The following CHAT variants were observed in gnomAD, a reference collection of about 807,000 sequenced individuals.
The protein encoded by CHAT is choline O-acetyltransferase, also known as acetyl CoA:choline O-acetyltransferase.
Under a neutral mutation model 76.9 loss-of-function variants are expected in CHAT, and 61 were observed. That is an observed-to-expected ratio of 0.79 (90% CI 0.65 to 0.98). The LOEUF (loss-of-function observed/expected upper bound fraction) is 0.98, where lower values mean the gene tolerates loss of function less well. CHAT is among the 50% of genes least tolerant of loss of function. The pLI, the probability that CHAT is intolerant of heterozygous loss-of-function variation, is 0.00. For synonymous variants in CHAT, 407 were observed against 397.4 expected, an observed-to-expected ratio of 1.02 and a Z score of -0.29; for missense variants, 946 against 986.9, an observed-to-expected ratio of 0.96 and a Z score of 0.56.
intron 7 of CHAT, among the ~76,000 whole-genome samples, chr10:49,636,866 A>G (rs1220800840): frequency 1.3e-5 from 2 of 152,190 alleles, no homozygotes; most frequent in African/African-American, 2.4e-5. Flanking sequence ...CATAATATTC[A>G]ATGCATTGTG....
intron 7 of CHAT, among the ~76,000 whole-genome samples, chr10:49,629,816 C>T (rs932356253): frequency 6.6e-6 from 1 of 152,186 alleles, no homozygotes; most frequent in African/African-American, 2.4e-5. Flanking sequence ...TTCACAGATC[C>T]CCCCTCCCCA....
intron 1 of CHAT, 82 bp downstream of exon 1, chr10:49,614,557 C>A: frequency 7.9e-7 from 1 of 1,272,110 alleles, no homozygotes; most frequent in Non-Finnish European, 1.1e-6. Flanking sequence ...CCAGGGACAG[C>A]ACCGGGGCCG....
chr10:49,654,272 C>T (rs1205540512), intron 11 of CHAT, among the ~76,000 whole-genome samples: 1 of 152,236 alleles, frequency 6.6e-6, no homozygotes, highest in Non-Finnish European at 1.5e-5. Flanking sequence ...TTGGACATGG[C>T]CTTCCCAAAC....
chr10:49,632,291 C>G (rs1177327148), intron 7 of CHAT, among the ~76,000 whole-genome samples: 1 of 152,132 alleles, frequency 6.6e-6, no homozygotes, highest in Non-Finnish European at 1.5e-5. Context: ...GGACTGCATG[C>G]GCGTAGAGGA....
intron 7 of CHAT, among the ~76,000 whole-genome samples, chr10:49,640,229 T>C (rs892927568): frequency 1.3e-5 from 2 of 152,174 alleles, no homozygotes; most frequent in African/African-American, 4.8e-5. Context: ...TGGAGTACAG[T>C]GGTGTGATGT....
upstream of CHAT, chr10:49,611,447 A>T (rs1228249125): frequency 6.3e-7 from 1 of 1,598,330 alleles, no homozygotes; most frequent in Non-Finnish European, 8.5e-7. Flanking sequence ...GGCATCCTCT[A>T]TGAGTTCGCC....
chr10:49,611,777 T>C (rs755666285), upstream of CHAT: 1 of 1,603,150 alleles, frequency 6.2e-7, no homozygotes, highest in Non-Finnish European at 8.5e-7. Flanking sequence ...TACCTCACCG[T>C]GCGCCTGGCG....
chr10:49,621,492 C>T (rs755264501), intron 4 of CHAT, among the ~76,000 whole-genome samples: 1 of 152,180 alleles, frequency 6.6e-6, no homozygotes, highest in Non-Finnish European at 1.5e-5. Context: ...TGACAGTTCC[C>T]GCTGCTCGTT....
rs762240997 is a variant in CHAT at position 49,646,489 on chromosome 10, C to T, written c.1112-16C>T. 1 of 1,613,978 alleles carries T rather than the reference C, an allele frequency of 6.2e-7. No individual in the cohort carries two copies. The highest frequency in any genetic ancestry group is 2.2e-5 in the East Asian group (1 of 44,882). ...GAGCGGGACAGGTGCTAGGGCTGTG[C>T]CTGCCTCCCCTGCAGACTCCACCAA... is the stretch of plus-strand genomic sequence containing the variant. On this transcript the variant is annotated splice_polypyrimidine_tract_variant and intron_variant, in intron 7 of 14. Transcript: ENST00000337653.
At chr10:49,610,735 G>C, upstream of CHAT, 1 of 1,508,144 alleles carries the variant, frequency 6.6e-7, no homozygotes, top group Non-Finnish European at 8.8e-7. Context: ...GCATCGGGGT[G>C]GGGGCATGGA....
At position 49,648,569 on chromosome 10, in the gene CHAT, C is replaced by T. The variant is rs754253168; in HGVS notation, c.1344C>T (p.Ile448=). 12 of 1,613,926 alleles carry T rather than the reference C, an allele frequency of 7.4e-6. No homozygotes were observed. Among genetic ancestry groups the T allele is most frequent in the Middle Eastern group, 1.7e-4 (1 of 6,054 alleles). The change falls in exon 9 of 15, where the codon ATC becomes ATT. Residue 448 remains isoleucine, a synonymous_variant. Coordinates refer to ENST00000337653, the MANE Select transcript of CHAT (RefSeq NM_020549.5). The part of the protein sequence containing the change: ...VVCEHSPFDG[I]VLVQCTEHLL... ...GCGAACACTCCCCATTCGATGGCAT[C>T]GTCCTGGTGCAGTGCACTGAGCATC... is the stretch of plus-strand genomic sequence containing the variant.
intron 6 of CHAT, 45 bp from the exon 7 acceptor site, chr10:49,627,563 A>C: frequency 8.7e-6 from 14 of 1,603,718 alleles, no homozygotes; most frequent in Non-Finnish European, 1.2e-5. Flanking sequence ...GCCTGGTGCC[A>C]CGGGCCACCC....
intron 7 of CHAT, among the ~76,000 whole-genome samples, chr10:49,640,480 G>A (rs1186671442): frequency 6.8e-6 from 1 of 148,130 alleles, no homozygotes; most frequent in Non-Finnish European, 1.5e-5. Flanking sequence ...TGGGGGAGGG[G>A]ACTCCTTATT....
At chr10:49,649,733 C>A in intron 10 of CHAT, 97 bp downstream of exon 10, 2 of 1,349,792 alleles carry the variant, frequency 1.5e-6, no homozygotes, top group Non-Finnish European at 2.1e-6. Flanking sequence ...CCAAAGACCC[C>A]AGCTCCTCTG....
At chr10:49,629,305 C>A (rs1161726241) in intron 7 of CHAT, among the ~76,000 whole-genome samples, 1 of 152,184 alleles carries the variant, frequency 6.6e-6, no homozygotes, top group African/African-American at 2.4e-5. Flanking sequence ...CCCCGACTTA[C>A]CAATTAATTA....
At chr10:49,652,081 C>T in intron 11 of CHAT, 75 bp downstream of exon 11, 1 of 1,595,466 alleles carries the variant, frequency 6.3e-7, no homozygotes, top group East Asian at 2.2e-5. Context: ...GGTCTAGAAG[C>T]ATCCTGGAGG....
chr10:49,610,336 G>A, upstream of CHAT: 1 of 185,356 alleles, frequency 5.4e-6, no homozygotes, highest in Non-Finnish European at 1.1e-5. Context: ...GGAGGGGAGC[G>A]CAGCGGCGGG....
intron 14 of CHAT, 62 bp from the exon 15 acceptor site, chr10:49,664,715 C>T: frequency 6.2e-7 from 1 of 1,606,948 alleles, no homozygotes; most frequent in Non-Finnish European, 8.5e-7. Context: ...GAAGCCAAGC[C>T]CAGTCGAGGC....
intron 7 of CHAT, among the ~76,000 whole-genome samples, chr10:49,632,736 G>A (rs745572480): frequency 3.3e-5 from 5 of 152,136 alleles, no homozygotes; most frequent in Non-Finnish European, 7.4e-5. Flanking sequence ...CTGCCCTTGA[G>A]CCTTCACCCT....
Sources: allele counts gnomAD v4.1 joint callset (sites outside exome capture counted in the v4.1 genomes callset), GRCh38; gene constraint gnomAD v4.1.1; transcripts MANE v1.5; gene names NCBI Gene and HGNC (gene_info 2026-07-23, HGNC 2026-07-21).